The following GNAQ variants were observed in gnomAD, a reference collection of about 807,000 sequenced individuals.
GNAQ encodes guanine nucleotide-binding protein G(q) subunit alpha.
Under a neutral mutation model 43.9 loss-of-function variants are expected in GNAQ, and 8 were observed. The observed-to-expected ratio is 0.18, with a 90% CI of 0.11 to 0.33. The LOEUF is 0.33. Ranked by LOEUF, GNAQ falls within the 10% of genes least tolerant of loss-of-function variation. The pLI, the probability that GNAQ is intolerant of heterozygous loss-of-function variation, is 1.00. For synonymous variants in GNAQ, 155 were observed against 170.7 expected, an observed-to-expected ratio of 0.91 and a Z score of 0.71; for missense variants, 158 against 450.8, an observed-to-expected ratio of 0.35 and a Z score of 5.88.
At chr9:77,781,642 T>C (rs1043588844) in intron 5 of GNAQ, among the ~76,000 whole-genome samples, 2 of 151,992 alleles carry the variant, frequency 1.3e-5, no homozygotes, top group African/African-American at 4.8e-5. Flanking sequence ...TCTAACAATG[T>C]ATAAAAATAA....
At position 77,732,360 on chromosome 9, in the gene GNAQ, G is replaced by T. The variant is rs1368572714; in HGVS notation, c.736-3693C>A. Reference sequence around the variant, plus strand: ...AATGTACAAAGAGGATACTAGTAAAGGTCCCCCTCCCTGCCCACCCCCACC... The same window carrying T: ...AATGTACAAAGAGGATACTAGTAAATGTCCCCCTCCCTGCCCACCCCCACC... On this transcript the variant is annotated intron_variant, in intron 5 of 6. Coordinates refer to ENST00000286548, the MANE Select transcript of GNAQ (RefSeq NM_002072.5). 1.4e-4 allele frequency among the ~76,000 whole-genome samples: 22 copies of T among 151,994 alleles called. No individual in the cohort carries two copies. The East Asian group carries it at 4.1e-3, about 28-fold the overall frequency.
At chr9:77,811,122 GTT>G (rs1826914715) in intron 3 of GNAQ, among the ~76,000 whole-genome samples, 1 of 152,112 alleles carries the variant, frequency 6.6e-6, no homozygotes, top group African/African-American at 2.4e-5. Context: ...AAATGTAGAT[GTT>G]AAGTATTCCC....
intron 1 of GNAQ, among the ~76,000 whole-genome samples, chr9:77,955,449 T>A (rs186945092): frequency 7.2e-5 from 11 of 152,232 alleles, no homozygotes; most frequent in Admixed American, 7.2e-4. Flanking sequence ...CCAAGAATGT[T>A]TACTCCTTAG....
intron 1 of GNAQ, among the ~76,000 whole-genome samples, chr9:77,970,810 C>A (rs1823228293): frequency 6.6e-6 from 1 of 150,804 alleles, no homozygotes; most frequent in Non-Finnish European, 1.5e-5. Flanking sequence ...GAAGGAGATA[C>A]AGACATAAAA....
At chr9:77,858,188 A>G (rs948541935) in intron 2 of GNAQ, among the ~76,000 whole-genome samples, 17 of 152,154 alleles carry the variant, frequency 1.1e-4, no homozygotes, top group African/African-American at 3.9e-4. Flanking sequence ...GCACTGGCAC[A>G]ATCATGAGAT....
chr9:78,010,454 A>T (rs937157017), intron 1 of GNAQ, among the ~76,000 whole-genome samples: 1 of 152,186 alleles, frequency 6.6e-6, no homozygotes, highest in African/African-American at 2.4e-5. Flanking sequence ...TTAGAGGGGA[A>T]CAGACTTAAC....
chr9:77,891,199 C>T (rs1024201548), intron 2 of GNAQ, among the ~76,000 whole-genome samples: 2 of 151,976 alleles, frequency 1.3e-5, no homozygotes, highest in African/African-American at 4.8e-5. Flanking sequence ...ATTTATATAT[C>T]CTCATACATA....
chr9:77,828,859 A>G (rs1008473781), intron 2 of GNAQ, among the ~76,000 whole-genome samples: 3 of 152,224 alleles, frequency 2.0e-5, no homozygotes, highest in African/African-American at 7.2e-5. Context: ...TATAACTGGA[A>G]TATTGGATTA....
At chr9:77,910,557 G>A (rs1402752656) in intron 2 of GNAQ, among the ~76,000 whole-genome samples, 1 of 152,120 alleles carries the variant, frequency 6.6e-6, no homozygotes, top group Non-Finnish European at 1.5e-5. Flanking sequence ...AAGCAGCTGA[G>A]AGCAGTTTAG....
At chr9:77,956,831 T>C (rs371731259) in intron 1 of GNAQ, among the ~76,000 whole-genome samples, 1 of 152,154 alleles carries the variant, frequency 6.6e-6, no homozygotes. Context: ...TCTCTTTACT[T>C]AAAGACAGCA....
chr9:77,880,949 G>A (rs1828198087), intron 2 of GNAQ, among the ~76,000 whole-genome samples: 1 of 152,042 alleles, frequency 6.6e-6, no homozygotes, highest in Admixed American at 6.6e-5. Context: ...TATGCTTATG[G>A]GTGTGCAAAA....
At chr9:77,972,984 T>C (rs1016441326) in intron 1 of GNAQ, among the ~76,000 whole-genome samples, 1 of 104,114 alleles carries the variant, frequency 9.6e-6, no homozygotes, top group African/African-American at 3.7e-5. Flanking sequence ...TTTACTTAAG[T>C]AAAAAGGAGA....
intron 2 of GNAQ, 62 bp downstream of exon 2, chr9:77,922,099 G>C: frequency 1.7e-6 from 2 of 1,152,980 alleles, no homozygotes; most frequent in Non-Finnish European, 1.3e-6. Flanking sequence ...TACTCGTGTT[G>C]TCACATTATT....
intron 1 of GNAQ, among the ~76,000 whole-genome samples, chr9:78,021,512 C>T (rs1365154936): frequency 2.0e-5 from 3 of 152,204 alleles, no homozygotes; most frequent in Non-Finnish European, 4.4e-5. Flanking sequence ...AAAATAAAGG[C>T]ACAGTGATGG....
intron 1 of GNAQ, among the ~76,000 whole-genome samples, chr9:78,013,539 CTT>C (rs749186081): frequency 6.6e-6 from 1 of 150,880 alleles, no homozygotes; most frequent in Non-Finnish European, 1.5e-5. Flanking sequence ...TCTAACAAGA[CTT>C]TTATCATTTT....
intron 5 of GNAQ, among the ~76,000 whole-genome samples, chr9:77,787,182 A>C (rs1279914435): frequency 6.6e-6 from 1 of 152,242 alleles, no homozygotes; most frequent in Non-Finnish European, 1.5e-5. Context: ...AAAGTTAAAC[A>C]CAAGTTAAAA....
At chr9:78,011,683 A>ACACCTAC (rs571872480) in intron 1 of GNAQ, among the ~76,000 whole-genome samples, 90 of 152,364 alleles carry the variant, frequency 5.9e-4, no homozygotes, top group African/African-American at 2.0e-3. Flanking sequence ...CATTCATTTA[A>ACACCTAC]CACCTACTTA....
At chr9:77,840,384 CGGAGTA>C (rs1827470635) in intron 2 of GNAQ, among the ~76,000 whole-genome samples, 1 of 146,258 alleles carries the variant, frequency 6.8e-6, no homozygotes, top group African/African-American at 2.5e-5. Context: ...GAGTCGGAGT[CGGAGTA>C]CAGTGGCATA....
chr9:78,026,969 C>T (rs1823987460), intron 1 of GNAQ, among the ~76,000 whole-genome samples: 1 of 152,106 alleles, frequency 6.6e-6, no homozygotes, highest in Non-Finnish European at 1.5e-5. Context: ...ATTCACTGAG[C>T]CCTGTACCAT....
Sources: allele counts gnomAD v4.1 joint callset (sites outside exome capture counted in the v4.1 genomes callset), GRCh38; gene constraint gnomAD v4.1.1; transcripts MANE v1.5; gene names NCBI Gene and HGNC (gene_info 2026-07-23, HGNC 2026-07-21).